Variants in ZNF718 observed in about 807,000 individuals in gnomAD.
The protein encoded by ZNF718 is zinc finger protein 718.
ZNF718 carries 3 observed loss-of-function variants against 2.6 expected under a neutral mutation model. The ratio of observed to expected loss-of-function variants is 1.16; its 90% CI spans 0.53 to 3.01. ZNF718 has a LOEUF of 3.01. Among genes scored for constraint, ZNF718 ranks in the 30% most tolerant of loss-of-function variants. The pLI, the probability that ZNF718 is intolerant of heterozygous loss-of-function variation, is 0.03. For missense variants in ZNF718, 468 were observed against 230.0 expected, an observed-to-expected ratio of 2.03 and a Z score of -6.69; for synonymous variants, 135 against 77.9, an observed-to-expected ratio of 1.73 and a Z score of -3.86.
intron 3 of ZNF718, among the ~76,000 whole-genome samples, chr4:183,051 A>C (rs1717499618): frequency 6.6e-6 from 1 of 152,032 alleles, no homozygotes; most frequent in African/African-American, 2.4e-5. Flanking sequence ...GGCTTTTTGC[A>C]TCTTTGTCAT....
At chr4:168,168 G>A (rs556231812), downstream of ZNF718, among the ~76,000 whole-genome samples, 15 of 152,266 alleles carry the variant, frequency 9.9e-5, no homozygotes, top group South Asian at 2.9e-3. Context: ...ATTTTCATAT[G>A]TTGAAACAGC....
chr4:199,466 T>C (rs1553822472), intron 3 of ZNF718, among the ~76,000 whole-genome samples: 1 of 151,520 alleles, frequency 6.6e-6, no homozygotes, highest in Non-Finnish European at 1.5e-5. Context: ...ATGACTCTGG[T>C]AAATTAATAT....
rs1445981424 is a variant in ZNF718, at chr4:131,467, A to G, written c.188A>G (p.Tyr63Cys). ...AGTCTGGAGCAAAGAAAAGAGCCCT[A>G]CAATTTGAAGATACATGAAACAGCA... ...VTSLEQRKEP[Y>C]NLKIHETAAR... is the part of the protein sequence containing the mutation. Residue 63 changes from tyrosine (Y) to cysteine (C), a missense_variant, in exon 3 of 4, where the codon TAC becomes TGC. Transcript: ENST00000510175. 22 of 527,426 alleles carry G rather than the reference A, an allele frequency of 4.2e-5. 8 individuals are homozygous for G. The highest frequency in any genetic ancestry group is 4.1e-4 in the African/African-American group (17 of 41,894). The allele number at this position is 527,426 out of a possible 1,614,324, so 32.7% of individuals were successfully genotyped here. A position where few individuals can be genotyped will look rare whatever the true frequency, so the allele number is the denominator to read the frequency against.
At chr4:198,402 C>A (rs1717834555) in intron 3 of ZNF718, among the ~76,000 whole-genome samples, 1 of 152,150 alleles carries the variant, frequency 6.6e-6, no homozygotes, top group Non-Finnish European at 1.5e-5. Flanking sequence ...CAGGTCCAGA[C>A]CCAGTGCCTG....
chr4:138,755 T>C (rs1456613029), intron 3 of ZNF718, among the ~76,000 whole-genome samples: 1 of 152,110 alleles, frequency 6.6e-6, no homozygotes, highest in Non-Finnish European at 1.5e-5. Flanking sequence ...AAGAGAGTAC[T>C]AGAGTTCAAC....
chr4:150,242 A>G (rs1303911753), intron 3 of ZNF718: 1 of 152,144 alleles, frequency 6.6e-6, no homozygotes, highest in Non-Finnish European at 1.5e-5. Context: ...TCCGATACTG[A>G]TCTGTAAAGG....
At chr4:142,412 C>G (rs1715851907) in intron 3 of ZNF718, among the ~76,000 whole-genome samples, 1 of 152,146 alleles carries the variant, frequency 6.6e-6, no homozygotes, top group Non-Finnish European at 1.5e-5. Flanking sequence ...AAAGCCCAGT[C>G]AGTGTAAGTA....
intron 3 of ZNF718, among the ~76,000 whole-genome samples, chr4:141,653 A>G (rs782310685): frequency 2.6e-5 from 4 of 152,168 alleles, no homozygotes; most frequent in Non-Finnish European, 4.4e-5. Context: ...ATTTTTGTGA[A>G]TAATACTAAT....
chr4:156,377 C>G (rs782092301), intron 3 of ZNF718, among the ~76,000 whole-genome samples: 1 of 152,106 alleles, frequency 6.6e-6, no homozygotes, highest in Non-Finnish European at 1.5e-5. Flanking sequence ...ATTTTACCCT[C>G]TATTTATTTG....
chr4:197,571 A>G lies in ZNF718; in HGVS notation c.227-3510A>G, dbSNP rs1475625428. On this transcript the variant is annotated intron_variant and NMD_transcript_variant, in intron 3 of 4. Transcript: ENST00000642529. The stretch of plus-strand genomic sequence containing the variant: ...TGGGGTGGAAAACTCAAGGAAGAGA[A>G]TGATGCCTACATTTGCACATCTGAG... Among the ~76,000 whole-genome samples, 3 of 152,298 alleles carry G rather than the reference A, an allele frequency of 2.0e-5. No individual in the cohort carries two copies. The East Asian group carries it at 5.8e-4, about 29-fold the overall frequency.
chr4:188,400 G>T (rs1208918346), intron 3 of ZNF718, among the ~76,000 whole-genome samples: 1 of 152,178 alleles, frequency 6.6e-6, no homozygotes, highest in Non-Finnish European at 1.5e-5. Flanking sequence ...CTCCCCCAGG[G>T]GCTCTGACCC....
intron 3 of ZNF718, among the ~76,000 whole-genome samples, chr4:172,900 A>G (rs554806600): frequency 2.0e-5 from 3 of 152,110 alleles, no homozygotes; most frequent in Admixed American, 6.5e-5. Flanking sequence ...CTAAAATTAG[A>G]TGGCCATGGT....
At chr4:165,553 C>T (rs1407643512), downstream of ZNF718, among the ~76,000 whole-genome samples, 8 of 152,278 alleles carry the variant, frequency 5.3e-5, no homozygotes, top group African/African-American at 1.9e-4. Context: ...AATCCCAGCA[C>T]TCTGGGAAGC....
intron 3 of ZNF718, among the ~76,000 whole-genome samples, chr4:182,367 G>A (rs1717483651): frequency 6.6e-6 from 1 of 151,816 alleles, no homozygotes; most frequent in South Asian, 2.1e-4. Flanking sequence ...TCTGACTTGT[G>A]TGAGATGATA....
chr4:198,178 A>G (rs545169225), intron 3 of ZNF718, among the ~76,000 whole-genome samples: 4 of 152,042 alleles, frequency 2.6e-5, no homozygotes, highest in Admixed American at 6.5e-5. Flanking sequence ...AAACGTGCTA[A>G]GAGCCAGCAG....
chr4:175,852 C>CTTTTTTTTTT (rs1158577358), intron 3 of ZNF718, among the ~76,000 whole-genome samples: 5 of 98,932 alleles, frequency 5.1e-5, no homozygotes, highest in Admixed American at 1.2e-4. Flanking sequence ...GATTAACAGT[C>CTTTTTTTTTT]TTTTTTTTTT....
chr4:151,387 T>C (rs1002155635), intron 3 of ZNF718, among the ~76,000 whole-genome samples: 4 of 152,226 alleles, frequency 2.6e-5, no homozygotes, highest in Non-Finnish European at 4.4e-5. Flanking sequence ...ATTACAGGCA[T>C]GAGCCACCAA....
intron 3 of ZNF718, among the ~76,000 whole-genome samples, chr4:199,859 C>T (rs1717864531): frequency 6.6e-6 from 1 of 152,120 alleles, no homozygotes; most frequent in Admixed American, 6.5e-5. Context: ...GTAGTCCTAC[C>T]TACAGACCTG....
chr4:179,038 G>C (rs558877682), intron 3 of ZNF718, among the ~76,000 whole-genome samples: 1 of 152,070 alleles, frequency 6.6e-6, no homozygotes, highest in South Asian at 2.1e-4. Context: ...TTAGGTATTT[G>C]GTCTGTGTAA....
Sources: gnomAD v4.1 joint callset for allele counts (sites outside exome capture counted in the v4.1 genomes callset) on GRCh38, gnomAD v4.1.1 for gene constraint, MANE v1.5 for transcripts, NCBI Gene and HGNC (gene_info 2026-07-23, HGNC 2026-07-21) for gene names.